Variants in SCN9A observed in about 807,000 individuals in gnomAD.
SCN9A encodes the protein sodium channel protein type 9 subunit alpha.
Under a neutral mutation model 187.0 loss-of-function variants are expected in SCN9A, and 131 were observed. The observed-to-expected ratio is 0.70, with a 90% CI of 0.61 to 0.81. SCN9A has a LOEUF of 0.81. Ranked by LOEUF, SCN9A falls within the 30% of genes least tolerant of loss-of-function variation. The probability of loss-of-function intolerance (pLI) is 0.00; values close to 1 mark genes in which losing one functional copy is unlikely to be tolerated. For synonymous variants in SCN9A, 809 were observed against 808.6 expected (o/e 1.00, Z -0.01); for missense variants, 2,252 against 2,396.6 (o/e 0.94, Z 1.26).
chr2:166,266,475 G>A (rs2106449903), intron 17 of SCN9A, among the ~76,000 whole-genome samples: 1 of 151,146 alleles, frequency 6.6e-6, no homozygotes, highest in Admixed American at 6.6e-5. Context: ...TTTATAGTAT[G>A]TTTTGAAGTC....
In SCN9A at chr2:166,204,065, A is replaced by G; in HGVS notation, c.4664T>C (p.Ile1555Thr). The stretch of plus-strand genomic sequence containing the variant: ...CACACATTCTCCAGTGAAAAGGATT[A>G]TAAAAACCACATTTATCCAATATAA... ...EVLYWINVVF[I>T]ILFTGECVLK... The change falls in exon 26 of 27, where the codon ATA (isoleucine) becomes ACA (threonine). Residue 1555 changes from isoleucine to threonine, a missense_variant. By Grantham distance (89) the Ile-to-Thr change is moderately conservative (BLOSUM62 -1). Coordinates refer to ENST00000642356, the MANE Select transcript of SCN9A (RefSeq NM_001365536.1). 6.2e-7 allele frequency: 1 copy of G among 1,612,524 alleles called. No individual in the cohort carries two copies. Among genetic ancestry groups the G allele is most frequent in the African/African-American group, 1.3e-5 (1 of 75,016 alleles).
chr2:166,266,226 G>C (rs1209476192), intron 17 of SCN9A, among the ~76,000 whole-genome samples: 1 of 151,612 alleles, frequency 6.6e-6, no homozygotes, highest in African/African-American at 2.4e-5. Flanking sequence ...AGTCTATTTT[G>C]AGTTGACTTG....
chr2:166,197,737 C>T lies in SCN9A; in HGVS notation c.*935G>A, dbSNP rs202145627. ...GCGAAAGGATGACTAAACAATACTG[C>T]ATAAGAAAGCAGGAAAATTTGACAA... is the stretch of plus-strand genomic sequence containing the variant. On this transcript the variant is annotated 3_prime_UTR_variant, in exon 27 of 27. Transcript: ENST00000642356. 6.6e-6 allele frequency: 1 copy of T among 152,092 alleles called. No individual in the cohort carries two copies. The highest frequency in any genetic ancestry group is 1.5e-5 in the Non-Finnish European group (1 of 67,992). The allele number at this position is 152,092 out of a possible 1,614,324, so 9.4% of individuals were successfully genotyped here.
Position 166,199,317 on chromosome 2 carries a change from C to T in SCN9A, c.5322G>A (p.Leu1774=). The change falls in exon 27 of 27, where the codon CTG becomes CTA. Residue 1774 remains leucine (L), a synonymous_variant. Coordinates refer to ENST00000642356, the MANE Select transcript of SCN9A (RefSeq NM_001365536.1). ...SVATEESTEP[L]SEDDFEMFYE... is the part of the protein sequence containing the mutation. The stretch of plus-strand genomic sequence containing the variant: ...AGAACATCTCAAAGTCATCCTCACT[C>T]AGAGGTTCAGTACTTTCTTCAGTGG... 6.2e-7 allele frequency: 1 copy of T among 1,614,196 alleles called. No individual in the cohort carries two copies. The highest frequency in any genetic ancestry group is 8.5e-7 in the Non-Finnish European group (1 of 1,180,034).
At chr2:166,362,098 G>T (rs1274663739) in intron 1 of SCN9A, among the ~76,000 whole-genome samples, 1 of 152,078 alleles carries the variant, frequency 6.6e-6, no homozygotes, top group Non-Finnish European at 1.5e-5. Flanking sequence ...TTTTGATGAA[G>T]ACATTGTTTG....
At chr2:166,203,793 G>C (rs1045834573) in intron 26 of SCN9A, among the ~76,000 whole-genome samples, 162 bp downstream of exon 26, 9 of 151,868 alleles carry the variant, frequency 5.9e-5, no homozygotes, top group African/African-American at 9.7e-5. Context: ...TGTAGTATGA[G>C]AGACAGATAT....
chr2:166,341,663 G>A (rs1179080394), intron 1 of SCN9A, among the ~76,000 whole-genome samples: 1 of 152,030 alleles, frequency 6.6e-6, no homozygotes, highest in Non-Finnish European at 1.5e-5. Flanking sequence ...CAGTTGCTGT[G>A]GGAAAAAATG....
In SCN9A at chr2:166,196,389, A is replaced by G. The variant is rs1180430150; in HGVS notation, c.*2283T>C. On this transcript the variant is annotated 3_prime_UTR_variant, in exon 27 of 27. Coordinates refer to ENST00000642356, the MANE Select transcript of SCN9A (RefSeq NM_001365536.1). ...AAAAAACATAGTTCATGAAATAGGA[A>G]AAAGAACAACTTTATATATATTTTT... is the stretch of plus-strand genomic sequence containing the variant. 6.6e-6 allele frequency: 1 copy of G among 152,164 alleles called. No individual in the cohort carries two copies. Among genetic ancestry groups the G allele is most frequent in the Non-Finnish European group, 1.5e-5 (1 of 68,018 alleles). 9.4% of individuals were successfully genotyped at this position (152,164 alleles called of 1,614,324 possible).
chr2:166,296,593 G>A (rs1326674164), intron 7 of SCN9A, among the ~76,000 whole-genome samples: 1 of 152,126 alleles, frequency 6.6e-6, no homozygotes, highest in Non-Finnish European at 1.5e-5. Flanking sequence ...AACTAATGCT[G>A]GTTCACATTT....
At chr2:166,236,661 G>A (rs903925403) in intron 20 of SCN9A, among the ~76,000 whole-genome samples, 1 of 152,128 alleles carries the variant, frequency 6.6e-6, no homozygotes, top group Non-Finnish European at 1.5e-5. Context: ...GACCTCAGGT[G>A]ATCCACCTGC....
intron 18 of SCN9A, among the ~76,000 whole-genome samples, chr2:166,251,019 A>T (rs768096701): frequency 6.6e-6 from 1 of 151,960 alleles, no homozygotes; most frequent in Non-Finnish European, 1.5e-5. Context: ...AAAAAAAAAA[A>T]CTTATTAAAC....
chr2:166,303,161 C>T lies in SCN9A; in HGVS notation c.830G>A (p.Arg277Gln), dbSNP rs146758972. Residue 277 changes from arginine to glutamine, a missense_variant, in exon 7 of 27, where the codon CGA becomes CAA. By Grantham distance (43) the Arg-to-Gln change is conservative. Around this residue, in one of 7 missense-constraint regions of SCN9A, gnomAD observed 1,013 missense variants for 997.4 expected, o/e 1.02. Transcript: ENST00000642356. ...TGTTTCATTATTTTCAAGTGAATTT[C>T]GAAAACATTTATGCTTCAGGTTTCC... ...FMGNLKHKCF[R>Q]NSLENNETLE... The T allele has an allele frequency of 3.2e-5, 52 of 1,612,582 alleles. 1 individual carries two copies. Among genetic ancestry groups the T allele is most frequent in the African/African-American group, 1.1e-4 (8 of 74,890 alleles).
intron 26 of SCN9A, among the ~76,000 whole-genome samples, chr2:166,202,697 T>C (rs1171279594): frequency 6.6e-6 from 1 of 151,846 alleles, no homozygotes; most frequent in Admixed American, 6.6e-5. Context: ...AAGTCTCATA[T>C]GATAAAGTTA....
At chr2:166,334,571 T>C (rs74385849) in intron 1 of SCN9A, among the ~76,000 whole-genome samples, 112 of 152,224 alleles carry the variant, frequency 7.4e-4, no homozygotes, top group African/African-American at 2.3e-3. Context: ...GGAAGGCGTG[T>C]TACAATAGCC....
At chr2:166,318,139 A>C (rs1255274205) in intron 1 of SCN9A, among the ~76,000 whole-genome samples, 2 of 152,180 alleles carry the variant, frequency 1.3e-5, no homozygotes, top group Non-Finnish European at 2.9e-5. Flanking sequence ...TAATATCTGC[A>C]TTAATTAAGG....
At chr2:166,312,433 A>G (rs955907492) in intron 1 of SCN9A, among the ~76,000 whole-genome samples, 2 of 152,130 alleles carry the variant, frequency 1.3e-5, no homozygotes, top group Non-Finnish European at 2.9e-5. Context: ...TCTTTCCATC[A>G]CTGAAGTCTT....
chr2:166,354,770 T>C (rs986507273), intron 1 of SCN9A, among the ~76,000 whole-genome samples: 1 of 152,196 alleles, frequency 6.6e-6, no homozygotes, highest in Non-Finnish European at 1.5e-5. Flanking sequence ...ACTGAAAAGA[T>C]TTCATTTCCA....
rs1698955122 is a variant in SCN9A, at chr2:166,311,499, C to CT, written c.257dup (p.Thr87AspfsTer35). 1 of 1,544,056 alleles carries CT rather than the reference C, an allele frequency of 6.5e-7. No individual in the cohort carries two copies. The highest frequency in any genetic ancestry group is 1.4e-5 in the African/African-American group (1 of 72,718). On this transcript the variant is annotated frameshift_variant and splice_region_variant, in exon 2 of 27. Coordinates refer to ENST00000642356, the MANE Select transcript of SCN9A (RefSeq NM_001365536.1). LOFTEE classifies it high-confidence loss of function. ...ACCACTGAAGTCAAAATAAACTCAC[C>CT]TTTTTGTCTGCATAGTAGGGGTCCA...
At position 166,199,356 on chromosome 2, in the gene SCN9A, C is replaced by A. The variant is rs1013397100; in HGVS notation, c.5283G>T (p.Glu1761Asp). The change falls in exon 27 of 27, where the codon GAG becomes GAT. Residue 1761 changes from glutamate to aspartate, a missense_variant. Transcript: ENST00000642356. ...TTTCTTCAGTGGCAACACTAAAATT[C>A]TCCAGTATGACTGCAATGTACATGT... ...VVNMYIAVIL[E>D]NFSVATEEST... is the part of the protein sequence containing the mutation. 4.3e-6 allele frequency: 7 copies of A among 1,614,176 alleles called. No individual in the cohort carries two copies. Among genetic ancestry groups the A allele is most frequent in the Non-Finnish European group, 5.9e-6 (7 of 1,180,022 alleles).
Sources: gnomAD v4.1 joint callset for allele counts (sites outside exome capture counted in the v4.1 genomes callset) on GRCh38, gnomAD v4.1.1 for gene constraint, gnomAD v4.1.1 regional missense constraint, MANE v1.5 for transcripts, NCBI Gene and HGNC (gene_info 2026-07-23, HGNC 2026-07-21) for gene names.